Variants in HEPN1 observed in about 807,000 individuals in gnomAD.
HEPN1 encodes the protein protein HEPN1.
For missense variants in HEPN1, 97 were observed against 103.3 expected (o/e 0.94, Z 0.26); for synonymous variants, 46 against 41.2 (o/e 1.12, Z -0.45).
chr11:124,920,309 G>T, exon 1 of HEPN1: 1 of 1,322,806 alleles, frequency 7.6e-7, no homozygotes, highest in Non-Finnish European at 1.0e-6. Flanking sequence ...CTAGTTTTCG[G>T]GCCAGGGGAG....
At chr11:124,920,276 G>A in exon 1 of HEPN1, 2 of 1,029,658 alleles carry the variant, frequency 1.9e-6, no homozygotes, top group Non-Finnish European at 2.8e-6. Context: ...AGTTTGATGA[G>A]CTAAAACAGT....
chr11:124,920,189 A>G, exon 1 of HEPN1: 1 of 893,210 alleles, frequency 1.1e-6, no homozygotes, highest in Non-Finnish European at 1.7e-6. Flanking sequence ...TCACAGCTGG[A>G]GGAAGCTCAA....
chr11:124,920,188 G>A, exon 1 of HEPN1: 1 of 901,024 alleles, frequency 1.1e-6, no homozygotes, highest in Non-Finnish European at 1.7e-6. Context: ...CTCACAGCTG[G>A]AGGAAGCTCA....
chr11:124,920,430 AG>A (rs1271187088), exon 1 of HEPN1: 1 of 1,547,600 alleles, frequency 6.5e-7, no homozygotes, highest in African/African-American at 1.4e-5. Flanking sequence ...CTGTGGGAGG[AG>A]GCCAAGCTGG....
chr11:124,919,622 A>G lies in HEPN1; in HGVS notation c.-129A>G, dbSNP rs1473183383. On this transcript the variant is annotated 5_prime_UTR_variant, in exon 1 of 1. An upstream start codon of the reference 5' UTR is lost. Transcript: ENST00000408930. ...GAGCTGCGAAGGCACACCTGCTCAA[A>G]TGAGCCTGGGGAAGTGCCGAGGGAC... 9.3e-7 allele frequency: 1 copy of G among 1,076,144 alleles called. No homozygotes were observed. The highest frequency in any genetic ancestry group is 1.3e-6 in the Non-Finnish European group (1 of 753,920). The allele number at this position is 1,076,144 out of a possible 1,614,324, so 66.7% of individuals were successfully genotyped here.
exon 1 of HEPN1, chr11:124,920,280 A>C (rs1403090048): frequency 1.9e-6 from 2 of 1,061,980 alleles, no homozygotes; most frequent in Admixed American, 2.6e-5. Flanking sequence ...TGATGAGCTA[A>C]AACAGTTCCT....
At chr11:124,920,541 T>C (rs1431695289) in exon 1 of HEPN1, 25 of 1,401,386 alleles carry the variant, frequency 1.8e-5, no homozygotes, top group Non-Finnish European at 1.8e-5. Flanking sequence ...AGGTACCAGG[T>C]GCCCAGGGAA....
exon 1 of HEPN1, chr11:124,920,376 CAG>C: frequency 6.5e-7 from 1 of 1,543,116 alleles, no homozygotes; most frequent in East Asian, 2.4e-5. Context: ...TATTCATGAA[CAG>C]AGACAGAAAG....
At chr11:124,920,005 G>C in exon 1 of HEPN1, 4 of 1,612,758 alleles carry the variant, frequency 2.5e-6, no homozygotes, top group Non-Finnish European at 3.4e-6. Context: ...TCTTTATTTT[G>C]ATGTTAGTGT....
rs886047917 is a variant in HEPN1 at position 124,919,339 on chromosome 11, A to G, written c.-412A>G. ...AGATGAAGATGAAAACAACACAAAA[A>G]CAAACCCCACTTCCTTACTTACCCC... On this transcript the variant is annotated 5_prime_UTR_variant, in exon 1 of 1. Transcript: ENST00000408930. 5 of 206,992 alleles carry G rather than the reference A, an allele frequency of 2.4e-5. No homozygotes were observed. The highest frequency in any genetic ancestry group is 3.9e-5 in the Non-Finnish European group (4 of 103,518). 12.8% of individuals were successfully genotyped at this position (206,992 alleles called of 1,614,324 possible).
rs1947093954 is a variant in HEPN1, at chr11:124,919,487, G to A, written c.-264G>A. ...ACCTTCACCTGTGCATCTCAAGGCT[G>A]ACCAGCAGGTACTCCTTATCCAAGT... On this transcript the variant is annotated 5_prime_UTR_variant, in exon 1 of 1. It removes the in-frame stop codon of an upstream open reading frame in the 5' UTR. Coordinates refer to ENST00000408930, the Ensembl canonical transcript of HEPN1. 1.9e-6 allele frequency: 1 copy of A among 521,314 alleles called. No individual in the cohort carries two copies. Among genetic ancestry groups the A allele is most frequent in the South Asian group, 2.5e-5 (1 of 40,058 alleles). The allele number at this position is 521,314 out of a possible 1,614,324, so 32.3% of individuals were successfully genotyped here.
chr11:124,919,869 A>G, exon 1 of HEPN1: 1 of 1,614,162 alleles, frequency 6.2e-7, no homozygotes, highest in East Asian at 2.2e-5. Flanking sequence ...TGGAATACAC[A>G]GAGGGCCTCC....
At chr11:124,920,510 C>T (rs1947113709) in exon 1 of HEPN1, 2 of 1,472,036 alleles carry the variant, frequency 1.4e-6, no homozygotes. Context: ...GTACCCTTCC[C>T]TCACCACCTT....
exon 1 of HEPN1, chr11:124,920,644 A>C (rs1230810097): frequency 9.4e-6 from 3 of 318,904 alleles, no homozygotes. Context: ...GCAGCTGTGG[A>C]TTCTGGGAAA....
chr11:124,919,860 G>A, the HEPN1 span: 91 of 1,614,068 alleles, frequency 5.6e-5, no homozygotes, highest in East Asian at 1.3e-4. Flanking sequence ...AGGAGGGAAT[G>A]GAATACACAG....
rs886047922 is a variant in HEPN1 at position 124,920,276 on chromosome 11, G to T, written c.*259G>T. 89 of 1,029,536 alleles carry T rather than the reference G, an allele frequency of 8.6e-5. No homozygotes were observed. Among genetic ancestry groups the T allele is most frequent in the Non-Finnish European group, 1.2e-4 (84 of 705,310 alleles). 63.8% of individuals were successfully genotyped at this position (1,029,536 alleles called of 1,614,324 possible). A position where few individuals can be genotyped will look rare whatever the true frequency, so the allele number is the denominator to read the frequency against. ...CAGGAGGAATATATGAGTTTGATGA[G>T]CTAAAACAGTTCCTCATTTGGTCTA... On this transcript the variant is annotated 3_prime_UTR_variant, in exon 1 of 1. Coordinates refer to ENST00000408930, the Ensembl canonical transcript of HEPN1.
rs141580325 is a variant in HEPN1 at position 124,920,215 on chromosome 11, C to G, written c.*198C>G. 3.3e-5 allele frequency: 29 copies of G among 865,762 alleles called. No homozygotes were observed. The African/African-American group carries it at 4.1e-4, about 12-fold the overall frequency. The allele number at this position is 865,762 out of a possible 1,614,324, so 53.6% of individuals were successfully genotyped here. A position where few individuals can be genotyped will look rare whatever the true frequency, so the allele number is the denominator to read the frequency against. ...GGAAGCTCAACAACTTTCCTGAGGA[C>G]AATGATTGTTTGAAAGGCTTGTTTT... On this transcript the variant is annotated 3_prime_UTR_variant, in exon 1 of 1. Coordinates refer to ENST00000408930, the Ensembl canonical transcript of HEPN1.
chr11:124,920,165 AT>A, exon 1 of HEPN1: 1 of 958,456 alleles, frequency 1.0e-6, no homozygotes, highest in Non-Finnish European at 1.6e-6. Context: ...TTCTCTGGAG[AT>A]TAGGACTTAT....
chr11:124,919,635 A>G lies in HEPN1; in HGVS notation c.-116A>G, dbSNP rs1016043523. On this transcript the variant is annotated 5_prime_UTR_variant, in exon 1 of 1. Transcript: ENST00000408930. ...ACACCTGCTCAAATGAGCCTGGGGA[A>G]GTGCCGAGGGACAGGGAGCTGAGAC... 15 of 1,183,600 alleles carry G rather than the reference A, an allele frequency of 1.3e-5. No individual in the cohort carries two copies. In the South Asian group the frequency reaches 1.8e-4, roughly 14 times the overall value. The allele number at this position is 1,183,600 out of a possible 1,614,324, so 73.3% of individuals were successfully genotyped here.
Sources: gnomAD v4.1 joint callset for allele counts on GRCh38, gnomAD v4.1.1 for gene constraint, MANE v1.5 for transcripts, NCBI Gene and HGNC (gene_info 2026-07-23, HGNC 2026-07-21) for gene names.